Variants in GPATCH8 observed in about 807,000 individuals in gnomAD.
GPATCH8 encodes G-patch domain containing 8.
In GPATCH8, 18 loss-of-function variants were observed where a neutral mutation model predicts 118.3. The observed-to-expected ratio is 0.15, with a 90% confidence interval of 0.11 to 0.23. The LOEUF (loss-of-function observed/expected upper bound fraction) is 0.23. Ranked by LOEUF, GPATCH8 falls within the 10% of genes least tolerant of loss-of-function variation. The pLI, the probability that GPATCH8 is intolerant of heterozygous loss-of-function variation, is 1.00. For missense variants in GPATCH8, 1,631 were observed against 1,873.8 expected (o/e 0.87, Z 2.39); for synonymous variants, 659 against 684.7 (o/e 0.96, Z 0.59).
At chr17:44,481,242 G>C (rs1968218840) in intron 1 of GPATCH8, among the ~76,000 whole-genome samples, 1 of 152,116 alleles carries the variant, frequency 6.6e-6, no homozygotes, top group Admixed American at 6.6e-5. Context: ...TTACTGATGG[G>C]AACATAAAAT....
chr17:44,453,494 GGTAGGGGTGTGT>G (rs750016533), intron 3 of GPATCH8, among the ~76,000 whole-genome samples: 3 of 43,152 alleles, frequency 7.0e-5, no homozygotes, highest in Admixed American at 5.6e-4. Context: ...TAGGTAGGTA[GGTAGGGGTGTGT>G]GTGTGTGTGT....
At chr17:44,482,573 CA>C (rs376299230) in intron 1 of GPATCH8, among the ~76,000 whole-genome samples, 65,066 of 96,916 alleles carry the variant, frequency 0.67, 19,087 homozygotes, top group Middle Eastern at 0.77. Context: ...GACTCCATCT[CA>C]AAAAAAAAAA....
chr17:44,460,353 C>T (rs538654725), intron 3 of GPATCH8, among the ~76,000 whole-genome samples: 112 of 152,050 alleles, frequency 7.4e-4, no homozygotes, highest in Middle Eastern at 3.4e-3. Context: ...TATATAATAA[C>T]TTTTTTAAAA....
intron 7 of GPATCH8, among the ~76,000 whole-genome samples, chr17:44,405,014 C>T (rs888659088): frequency 3.3e-5 from 5 of 152,048 alleles, no homozygotes; most frequent in Non-Finnish European, 5.9e-5. Context: ...GTTAACAATA[C>T]TATATAGTTT....
chr17:44,449,121 A>G (rs2051016569), intron 3 of GPATCH8, among the ~76,000 whole-genome samples: 8 of 152,100 alleles, frequency 5.3e-5, no homozygotes, highest in Admixed American at 5.2e-4. Flanking sequence ...GCTAAAAAAT[A>G]CAAAAATTAG....
intron 2 of GPATCH8, among the ~76,000 whole-genome samples, chr17:44,469,942 A>G (rs1340874203): frequency 6.6e-6 from 1 of 152,234 alleles, no homozygotes; most frequent in Non-Finnish European, 1.5e-5. Context: ...GCAACATCAC[A>G]AAACCCAATT....
At chr17:44,463,583 A>G (rs879466705) in intron 3 of GPATCH8, among the ~76,000 whole-genome samples, 1 of 152,060 alleles carries the variant, frequency 6.6e-6, no homozygotes, top group Non-Finnish European at 1.5e-5. Context: ...GGGTTTCACC[A>G]GTTGGCCAGG....
chr17:44,421,458 C>T (rs1346584314), intron 6 of GPATCH8, among the ~76,000 whole-genome samples: 2 of 151,798 alleles, frequency 1.3e-5, no homozygotes, highest in African/African-American at 2.4e-5. Flanking sequence ...CTCTGCCTCC[C>T]GGATTCAAGT....
rs2143747993 is a variant in GPATCH8 at position 44,410,011 on chromosome 17, A to G, written c.493-3960T>C. Among the ~76,000 whole-genome samples, 3 of 152,324 alleles carry G rather than the reference A, an allele frequency of 2.0e-5. No individual in the cohort carries two copies. In the East Asian group the frequency reaches 5.8e-4, roughly 29 times the overall value. ...TTTATTAGGGACATATTAAAGTTAT[A>G]TAGTATGGTCCTCCTAGTTACCACT... is the stretch of plus-strand genomic sequence containing the variant. On this transcript the variant is annotated intron_variant, in intron 6 of 7. Transcript: ENST00000591680.
chr17:44,417,580 A>C (rs920381449), intron 6 of GPATCH8, among the ~76,000 whole-genome samples: 20 of 152,216 alleles, frequency 1.3e-4, no homozygotes, highest in African/African-American at 4.8e-4. Flanking sequence ...AGACTACCAG[A>C]GACTGAAATC....
At chr17:44,498,450 G>C (rs1041175620) in intron 1 of GPATCH8, among the ~76,000 whole-genome samples, 4 of 152,128 alleles carry the variant, frequency 2.6e-5, no homozygotes, top group African/African-American at 9.7e-5. Context: ...TCCTTGATAT[G>C]TCCCACATTT....
intron 6 of GPATCH8, among the ~76,000 whole-genome samples, chr17:44,413,430 C>A (rs935815795): frequency 6.6e-6 from 1 of 152,066 alleles, no homozygotes; most frequent in Non-Finnish European, 1.5e-5. Context: ...ACCACCATGC[C>A]CGGCTAATTT....
chr17:44,489,868 G>T (rs1420904252), intron 1 of GPATCH8, among the ~76,000 whole-genome samples: 1 of 152,098 alleles, frequency 6.6e-6, no homozygotes, highest in African/African-American at 2.4e-5. Context: ...CATTCAGTAT[G>T]GCGTCTGATT....
chr17:44,425,646 G>A (rs879174808), intron 5 of GPATCH8, among the ~76,000 whole-genome samples: 3 of 151,970 alleles, frequency 2.0e-5, no homozygotes, highest in East Asian at 1.9e-4. Flanking sequence ...TTCCCACCTC[G>A]GCCTCCCAAG....
intron 3 of GPATCH8, among the ~76,000 whole-genome samples, chr17:44,446,923 C>T (rs1028631006): frequency 6.6e-6 from 1 of 152,028 alleles, no homozygotes; most frequent in African/African-American, 2.4e-5. Context: ...CAACCTCCGC[C>T]TCGCAGGTTC....
intron 7 of GPATCH8, among the ~76,000 whole-genome samples, chr17:44,404,630 G>C (rs2049151532): frequency 6.6e-6 from 1 of 152,042 alleles, no homozygotes; most frequent in African/African-American, 2.4e-5. Flanking sequence ...GGCATAGAGA[G>C]TTTAGATATA....
chr17:44,484,304 C>T lies in GPATCH8; in HGVS notation c.46-9401G>A, dbSNP rs748174107. ...CAGCCCAGAAATTTATTTTAAATGG[C>T]GTTGATTCAAACATACATTTAGTTT... On this transcript the variant is annotated intron_variant, in intron 1 of 7. Coordinates refer to ENST00000591680, the MANE Select transcript of GPATCH8 (RefSeq NM_001002909.4). 3.9e-5 allele frequency among the ~76,000 whole-genome samples: 6 copies of T among 152,162 alleles called. 1 individual carries two copies. The South Asian group carries it at 6.2e-4, about 16-fold the overall frequency.
At position 44,397,188 on chromosome 17, in the gene GPATCH8, G is replaced by A. The variant is rs1238979648; in HGVS notation, c.*380C>T. ...CAAGTGCTCTGGTGACAACCCACTG[G>A]CCAGAGGGGAGGAAAATGTTTTAAA... On this transcript the variant is annotated 3_prime_UTR_variant, in exon 8 of 8. Coordinates refer to ENST00000591680, the MANE Select transcript of GPATCH8 (RefSeq NM_001002909.4). 1 of 462,548 alleles carries A rather than the reference G, an allele frequency of 2.2e-6. No homozygotes were observed. Among genetic ancestry groups the A allele is most frequent in the East Asian group, 6.7e-5 (1 of 14,836 alleles). 28.7% of individuals were successfully genotyped at this position (462,548 alleles called of 1,614,324 possible).
intron 2 of GPATCH8, among the ~76,000 whole-genome samples, chr17:44,471,182 G>A (rs978876148): frequency 1.3e-5 from 2 of 151,950 alleles, no homozygotes; most frequent in South Asian, 4.2e-4. Flanking sequence ...AGCAAATAAG[G>A]GAAAATTAAA....
Sources: gnomAD v4.1 joint callset for allele counts (sites outside exome capture counted in the v4.1 genomes callset) on GRCh38, gnomAD v4.1.1 for gene constraint, MANE v1.5 for transcripts, NCBI Gene and HGNC (gene_info 2026-07-23, HGNC 2026-07-21) for gene names.